Variants in CSMD1 observed in about 807,000 individuals in gnomAD.
The protein encoded by CSMD1 is CUB and Sushi multiple domains 1, also known as CUB and sushi domain-containing protein 1.
Under a neutral mutation model 417.5 loss-of-function variants are expected in CSMD1, and 213 were observed. The ratio of observed to expected loss-of-function variants is 0.51; its 90% CI spans 0.46 to 0.57. The LOEUF (loss-of-function observed/expected upper bound fraction) is 0.57, where lower values mean the gene tolerates loss of function less well. Among genes scored for constraint, CSMD1 ranks in the 20% least tolerant of loss-of-function variants. The pLI is 0.00. For missense variants in CSMD1, 6,923 were observed against 4,529.7 expected (o/e 1.53, Z -15.17); for synonymous variants, 2,862 against 1,736.8 (o/e 1.65, Z -16.11).
intron 26 of CSMD1, among the ~76,000 whole-genome samples, chr8:3,231,972 CTT>C (rs1334514256): frequency 6.6e-6 from 1 of 152,188 alleles, no homozygotes; most frequent in Non-Finnish European, 1.5e-5. Context: ...TCACCACTCT[CTT>C]TCTCTCAAAT....
intron 5 of CSMD1, among the ~76,000 whole-genome samples, chr8:3,916,781 C>A: frequency 6.6e-6 from 1 of 152,106 alleles, no homozygotes. Context: ...AATTGAGTGG[C>A]TCAATTTCAA....
At chr8:4,357,208 G>C (rs1355653166) in intron 3 of CSMD1, among the ~76,000 whole-genome samples, 1 of 152,126 alleles carries the variant, frequency 6.6e-6, no homozygotes, top group Non-Finnish European at 1.5e-5. Context: ...AAGTAGCTAA[G>C]GGTTTTCAGT....
intron 5 of CSMD1, among the ~76,000 whole-genome samples, chr8:3,782,230 A>C (rs973733008): frequency 2.0e-5 from 3 of 152,210 alleles, no homozygotes; most frequent in African/African-American, 7.2e-5. Context: ...AATCTATGTC[A>C]GTCACCAGGA....
Position 4,389,620 on chromosome 8 carries a change from A to T in CSMD1, c.415+30333T>A, listed in dbSNP as rs77652080. On this transcript the variant is annotated intron_variant, in intron 3 of 69. Transcript: ENST00000635120. ...CAAGTGAAGTCAAACTTCTCTACAA[A>T]TCCCTCCACAAATCGTAGTATCCAC... Among the ~76,000 whole-genome samples the T allele has an allele frequency of 3.8e-3, 581 of 152,232 alleles. 2 individuals are homozygous for T. The highest frequency in any genetic ancestry group is 0.013 in the African/African-American group (548 of 41,540).
chr8:3,764,952 C>G (rs776930551), intron 5 of CSMD1, among the ~76,000 whole-genome samples: 5 of 151,812 alleles, frequency 3.3e-5, no homozygotes, highest in African/African-American at 9.7e-5. Context: ...CACATGTTGA[C>G]CAGGCTGGTC....
At chr8:4,379,898 A>G (rs1046883345) in intron 3 of CSMD1, among the ~76,000 whole-genome samples, 1 of 152,228 alleles carries the variant, frequency 6.6e-6, no homozygotes, top group Admixed American at 6.5e-5. Context: ...GCCGTGTTCC[A>G]CACACTGGAC....
chr8:3,561,914 C>A (rs569718603), intron 10 of CSMD1, among the ~76,000 whole-genome samples: 42 of 152,316 alleles, frequency 2.8e-4, no homozygotes, highest in Middle Eastern at 3.4e-3. Flanking sequence ...GAGGCTTCTG[C>A]ATAAGCGAGG....
chr8:3,530,619 T>C (rs1797939996), intron 10 of CSMD1, among the ~76,000 whole-genome samples: 1 of 152,150 alleles, frequency 6.6e-6, no homozygotes, highest in Non-Finnish European at 1.5e-5. Flanking sequence ...CCTTCTGGGT[T>C]CAAGTGATTC....
chr8:4,451,692 A>C (rs1301344166), intron 2 of CSMD1, among the ~76,000 whole-genome samples: 1 of 152,140 alleles, frequency 6.6e-6, no homozygotes. Flanking sequence ...ATGAAATATC[A>C]GTTCTTCCAG....
At chr8:4,753,980 C>T (rs1811508455) in intron 1 of CSMD1, among the ~76,000 whole-genome samples, 1 of 152,138 alleles carries the variant, frequency 6.6e-6, no homozygotes, top group African/African-American at 2.4e-5. Context: ...GCTTCAAATA[C>T]AGGAAGAGTA....
At chr8:3,226,103 T>A (rs1378700854) in intron 27 of CSMD1, among the ~76,000 whole-genome samples, 1 of 152,174 alleles carries the variant, frequency 6.6e-6, no homozygotes, top group African/African-American at 2.4e-5. Context: ...GTTCACACCG[T>A]TGGGGGCGAT....
intron 1 of CSMD1, among the ~76,000 whole-genome samples, chr8:4,713,432 C>G (rs1808440891): frequency 6.6e-6 from 1 of 150,906 alleles, no homozygotes; most frequent in Non-Finnish European, 1.5e-5. Context: ...GACAGACTCT[C>G]CCTCTCTTGC....
chr8:3,470,550 A>C (rs984658760), intron 11 of CSMD1, among the ~76,000 whole-genome samples: 1 of 152,140 alleles, frequency 6.6e-6, no homozygotes. Context: ...ACATTTGTGC[A>C]TGTAGCTCTG....
intron 6 of CSMD1, among the ~76,000 whole-genome samples, chr8:3,733,348 A>C (rs957823540): frequency 6.8e-6 from 1 of 148,000 alleles, no homozygotes; most frequent in Non-Finnish European, 1.5e-5. Flanking sequence ...AGACATATAT[A>C]TTATATATAT....
At chr8:3,452,453 T>A (rs999287454) in intron 12 of CSMD1, among the ~76,000 whole-genome samples, 1 of 152,204 alleles carries the variant, frequency 6.6e-6, no homozygotes. Flanking sequence ...GGCTGTGGGT[T>A]TGTCATAGAT....
intron 25 of CSMD1, among the ~76,000 whole-genome samples, chr8:3,295,895 G>GGCACCAAGAGTGTACTGAGT (rs1803926517): frequency 6.6e-6 from 1 of 151,784 alleles, no homozygotes. Context: ...ACATTTACTC[G>GGCACCAAGAGTGTACTGAGT]GCACCAAGAG....
intron 2 of CSMD1, among the ~76,000 whole-genome samples, chr8:4,499,042 G>C (rs190931851): frequency 1.2e-4 from 19 of 152,208 alleles, no homozygotes; most frequent in African/African-American, 2.6e-4. Flanking sequence ...ATCTAGTACA[G>C]ATCTCTTAAG....
intron 3 of CSMD1, among the ~76,000 whole-genome samples, chr8:4,171,925 G>A (rs75929965): frequency 0.04 from 6,115 of 151,970 alleles, 142 homozygotes; most frequent in African/African-American, 0.047. Context: ...TATGTTTCTC[G>A]CAATACTCTA....
At chr8:4,769,937 A>C (rs1042668923) in intron 1 of CSMD1, among the ~76,000 whole-genome samples, 1 of 152,190 alleles carries the variant, frequency 6.6e-6, no homozygotes, top group Non-Finnish European at 1.5e-5. Flanking sequence ...TAAAAATAAG[A>C]ACAATAACAA....
Sources: gnomAD v4.1 joint callset for allele counts (sites outside exome capture counted in the v4.1 genomes callset) on GRCh38, gnomAD v4.1.1 for gene constraint, MANE v1.5 for transcripts, NCBI Gene and HGNC (gene_info 2026-07-23, HGNC 2026-07-21) for gene names.